The following MYO1B variants were observed in gnomAD, a reference collection of about 807,000 sequenced individuals.
MYO1B encodes the protein myosin IB, also known as unconventional myosin-Ib.
Under a neutral mutation model 159.7 loss-of-function variants are expected in MYO1B, and 72 were observed. That is an observed-to-expected ratio of 0.45 (90% CI 0.37 to 0.55). MYO1B has a LOEUF of 0.55. MYO1B is among the 20% of genes least tolerant of loss of function. The pLI is 0.00. For synonymous variants in MYO1B, 468 were observed against 473.8 expected, an observed-to-expected ratio of 0.99 and a Z score of 0.16; for missense variants, 1,062 against 1,364.8, an observed-to-expected ratio of 0.78 and a Z score of 3.50.
intron 1 of MYO1B, among the ~76,000 whole-genome samples, chr2:191,246,739 C>T (rs1317627033): frequency 6.6e-6 from 1 of 151,966 alleles, no homozygotes; most frequent in Admixed American, 6.6e-5. Context: ...AACAGTTTTC[C>T]AGGACTGTTT....
intron 20 of MYO1B, 36 bp from the exon 21 acceptor site, chr2:191,396,393 C>G (rs1696073290): frequency 1.2e-6 from 2 of 1,604,800 alleles, no homozygotes; most frequent in East Asian, 4.5e-5. Flanking sequence ...CAGATATTAA[C>G]TACAACTGCC....
At chr2:191,405,629 C>T (rs1217725269) in intron 24 of MYO1B, among the ~76,000 whole-genome samples, 1 of 152,206 alleles carries the variant, frequency 6.6e-6, no homozygotes, top group Admixed American at 6.5e-5. Flanking sequence ...TTAATCTCCT[C>T]GTATATCTCC....
intron 13 of MYO1B, chr2:191,377,683 A>G (rs192844377): frequency 1.8e-4 from 27 of 152,350 alleles, no homozygotes; most frequent in African/African-American, 6.0e-4. Context: ...TTAGACCTAT[A>G]CAAGTTAGAG....
intron 4 of MYO1B, among the ~76,000 whole-genome samples, chr2:191,338,908 G>A (rs1053725243): frequency 6.6e-6 from 1 of 152,158 alleles, no homozygotes; most frequent in Non-Finnish European, 1.5e-5. Context: ...TTGTATATTT[G>A]CCACTGTCTA....
At chr2:191,282,635 A>C (rs999881671) in intron 2 of MYO1B, among the ~76,000 whole-genome samples, 6 of 152,230 alleles carry the variant, frequency 3.9e-5, no homozygotes, top group South Asian at 2.1e-4. Flanking sequence ...ATGATGTGTA[A>C]TCTTCAAGAT....
intron 1 of MYO1B, chr2:191,246,094 C>CCGG (rs1159547591): frequency 4.6e-5 from 7 of 152,248 alleles, no homozygotes; most frequent in Non-Finnish European, 7.3e-5. Flanking sequence ...GCGGTGTGCC[C>CCGG]CGGCGGCGGC....
rs1695676016 is a variant in MYO1B at position 191,390,410 on chromosome 2, T to A, written c.1900T>A (p.Phe634Ile). The change falls in exon 18 of 31, where the codon TTC becomes ATC. Residue 634 changes from phenylalanine to isoleucine, a missense_variant. Phe to Ile is a conservative substitution (Grantham distance 21). Around this residue, in one of 5 missense-constraint regions of MYO1B, gnomAD observed 609 missense variants for 744.4 expected, o/e 0.82. Coordinates refer to ENST00000392318, the MANE Select transcript of MYO1B (RefSeq NM_001130158.3). Reference protein sequence around the residue: ...NVRVRRAGYAFRQAYEPCLER... With the variant: ...NVRVRRAGYAIRQAYEPCLER... ...CCGAGTGCGGAGGGCAGGCTACGCCTTCAGGCAGGCCTATGAACCTTGCCT... is the reference window on the plus strand; with the variant it reads ...CCGAGTGCGGAGGGCAGGCTACGCCATCAGGCAGGCCTATGAACCTTGCCT... 6.2e-7 allele frequency: 1 copy of A among 1,614,158 alleles called. No homozygotes were observed. The highest frequency in any genetic ancestry group is 1.7e-5 in the Admixed American group (1 of 60,014).
intron 13 of MYO1B, among the ~76,000 whole-genome samples, chr2:191,378,534 A>G (rs1269891820): frequency 2.0e-5 from 3 of 152,142 alleles, no homozygotes; most frequent in East Asian, 1.9e-4. Flanking sequence ...ATAAATCACA[A>G]TGGTGGAATG....
chr2:191,290,570 C>CTTT (rs1452671421), intron 2 of MYO1B, among the ~76,000 whole-genome samples: 22 of 152,082 alleles, frequency 1.4e-4, no homozygotes, highest in Non-Finnish European at 2.4e-4. Flanking sequence ...GTAAAGGGTA[C>CTTT]TTTTGGTTTT....
intron 3 of MYO1B, among the ~76,000 whole-genome samples, chr2:191,326,773 T>C (rs1381861544): frequency 1.6e-5 from 1 of 60,708 alleles, no homozygotes; most frequent in African/African-American, 8.1e-5. Flanking sequence ...TGTATATATG[T>C]GTGTGTGTGT....
In MYO1B at chr2:191,364,153, C is replaced by T. The variant is rs139984610; in HGVS notation, c.914-5C>T. The T allele has an allele frequency of 6.2e-7, 1 of 1,612,150 alleles. No homozygotes were observed. Among genetic ancestry groups the T allele is most frequent in the African/African-American group, 1.3e-5 (1 of 74,846 alleles). Reference sequence around the variant, plus strand: ...TTTTTGTGTCCATCCCCTGCCTTCCCACAGAGTTAAAAGAAATTTGTGAAT... The same window carrying T: ...TTTTTGTGTCCATCCCCTGCCTTCCTACAGAGTTAAAAGAAATTTGTGAAT... On this transcript the variant is annotated splice_region_variant and splice_polypyrimidine_tract_variant and intron_variant, in intron 10 of 30. Coordinates refer to ENST00000392318, the MANE Select transcript of MYO1B (RefSeq NM_001130158.3).
chr2:191,403,661 T>A (rs1178009308), intron 24 of MYO1B, among the ~76,000 whole-genome samples: 1 of 152,212 alleles, frequency 6.6e-6, no homozygotes, highest in African/African-American at 2.4e-5. Flanking sequence ...AATCTGCATT[T>A]TTTTTCTGCA....
chr2:191,423,585 C>T (rs1264733516), intron 30 of MYO1B, among the ~76,000 whole-genome samples: 1 of 152,140 alleles, frequency 6.6e-6, no homozygotes, highest in African/African-American at 2.4e-5. Context: ...TGTTAGGTAG[C>T]CCATAGACTG....
At chr2:191,391,675 G>A (rs546372897) in intron 18 of MYO1B, among the ~76,000 whole-genome samples, 26 of 152,268 alleles carry the variant, frequency 1.7e-4, no homozygotes, top group Non-Finnish European at 3.7e-4. Flanking sequence ...TTAGCGTCCC[G>A]TTGGTCTGGG....
At chr2:191,391,361 C>T (rs1299247617) in intron 18 of MYO1B, among the ~76,000 whole-genome samples, 1 of 152,214 alleles carries the variant, frequency 6.6e-6, no homozygotes, top group Non-Finnish European at 1.5e-5. Flanking sequence ...ACCTAGGACA[C>T]TTACCTTGTA....
chr2:191,360,360 G>A (rs1693585278), intron 7 of MYO1B, among the ~76,000 whole-genome samples: 1 of 151,990 alleles, frequency 6.6e-6, no homozygotes, highest in Non-Finnish European at 1.5e-5. Flanking sequence ...AAAACCAAGA[G>A]CATTTATTAG....
At chr2:191,383,521 C>CCT (rs1432279223) in intron 15 of MYO1B, among the ~76,000 whole-genome samples, 179 bp downstream of exon 15, 1 of 28,522 alleles carries the variant, frequency 3.5e-5, no homozygotes, top group African/African-American at 7.0e-5. Context: ...CACGTACACA[C>CCT]ACACACACAC....
intron 4 of MYO1B, 102 bp from the exon 5 acceptor site, chr2:191,341,359 T>C (rs1334554014): frequency 2.4e-6 from 2 of 845,746 alleles, no homozygotes; most frequent in African/African-American, 3.4e-5. Flanking sequence ...ATAAAGACAT[T>C]TGAAAATGCC....
chr2:191,348,722 A>T (rs1027999925), intron 6 of MYO1B, among the ~76,000 whole-genome samples: 1 of 151,872 alleles, frequency 6.6e-6, no homozygotes, highest in Non-Finnish European at 1.5e-5. Context: ...TCCACTAATC[A>T]CTGTAGCCAC....
Sources: gnomAD v4.1 joint callset for allele counts (sites outside exome capture counted in the v4.1 genomes callset) on GRCh38, gnomAD v4.1.1 for gene constraint, gnomAD v4.1.1 regional missense constraint, MANE v1.5 for transcripts, NCBI Gene and HGNC (gene_info 2026-07-23, HGNC 2026-07-21) for gene names.